Variants in DTNA observed in about 807,000 individuals in gnomAD.
DTNA encodes dystrobrevin alpha, also known as dystrophin-related protein 3.
Under a neutral mutation model 100.7 loss-of-function variants are expected in DTNA, and 43 were observed. That is an observed-to-expected ratio of 0.43 (90% CI 0.33 to 0.55). The LOEUF is 0.55. DTNA is among the 20% of genes least tolerant of loss of function. The pLI is 0.04. For synonymous variants in DTNA, 349 were observed against 347.9 expected, an observed-to-expected ratio of 1.00 and a Z score of -0.04; for missense variants, 798 against 953.9, an observed-to-expected ratio of 0.84 and a Z score of 2.15.
At chr18:34,596,935 G>A (rs1256034752) in intron 1 of DTNA, among the ~76,000 whole-genome samples, 1 of 151,956 alleles carries the variant, frequency 6.6e-6, no homozygotes, top group Non-Finnish European at 1.5e-5. Flanking sequence ...CATGTGCCAT[G>A]GTGGTTTGCT....
At chr18:34,741,650 CAAG>C in intron 1 of DTNA, among the ~76,000 whole-genome samples, 5 of 152,228 alleles carry the variant, frequency 3.3e-5, no homozygotes, top group Admixed American at 3.3e-4. Context: ...TAGATATCTT[CAAG>C]AAGTACTGAG....
intron 1 of DTNA, among the ~76,000 whole-genome samples, chr18:34,671,231 TG>T (rs1447815898): frequency 2.6e-5 from 4 of 152,304 alleles, no homozygotes; most frequent in African/African-American, 9.6e-5. Flanking sequence ...CTCCGAGCCA[TG>T]CGCAGGATAT....
At chr18:34,855,126 A>C (rs2150006184) in intron 15 of DTNA, among the ~76,000 whole-genome samples, 1 of 152,336 alleles carries the variant, frequency 6.6e-6, no homozygotes, top group Middle Eastern at 3.4e-3. Flanking sequence ...AATTAAAGGT[A>C]AAAATACACA....
At chr18:34,818,066 G>A in intron 7 of DTNA, 98 bp from the exon 8 acceptor site, 1 of 1,605,406 alleles carries the variant, frequency 6.2e-7, no homozygotes, top group Non-Finnish European at 8.5e-7. Flanking sequence ...AAATCGTGGT[G>A]CAGAGAAGAA....
intron 1 of DTNA, among the ~76,000 whole-genome samples, chr18:34,676,881 C>A (rs1248252091): frequency 1.3e-5 from 2 of 152,092 alleles, no homozygotes; most frequent in African/African-American, 4.8e-5. Context: ...GTATTCCCAC[C>A]CAATGTTCAT....
At chr18:34,601,250 G>C (rs2051754528) in intron 1 of DTNA, among the ~76,000 whole-genome samples, 1 of 152,212 alleles carries the variant, frequency 6.6e-6, no homozygotes, top group Admixed American at 6.5e-5. Context: ...TTAATTATAA[G>C]CAAATTAAGG....
chr18:34,838,715 C>T, intron 12 of DTNA, 30 bp from the exon 13 acceptor site: 5 of 1,590,094 alleles, frequency 3.1e-6, no homozygotes, highest in Non-Finnish European at 4.3e-6. Flanking sequence ...CTCTTAACAA[C>T]ACGCTTTCTT....
chr18:34,746,213 T>G (rs983090731), intron 1 of DTNA, among the ~76,000 whole-genome samples: 8 of 151,084 alleles, frequency 5.3e-5, no homozygotes, highest in Non-Finnish European at 1.0e-4. Context: ...TTATTTGGGG[T>G]TTTTTTTCAT....
At chr18:34,719,572 A>G (rs2146889293) in intron 1 of DTNA, among the ~76,000 whole-genome samples, 1 of 152,270 alleles carries the variant, frequency 6.6e-6, no homozygotes, top group African/African-American at 2.4e-5. Flanking sequence ...ATTTTATAAT[A>G]TGTACAGAGA....
chr18:34,776,045 T>C lies in DTNA; in HGVS notation c.148+10004T>C, dbSNP rs116833408. Among the ~76,000 whole-genome samples, 1,330 of 152,300 alleles carry C rather than the reference T, an allele frequency of 8.7e-3. 23 individuals carry two copies. The highest frequency in any genetic ancestry group is 0.029 in the African/African-American group (1,208 of 41,562). ...AAGAGCCACTGGGACATATACTTTG[T>C]ATAAAATTCAAAGCAGGACTGAGAC... On this transcript the variant is annotated intron_variant, in intron 3 of 22. Transcript: ENST00000444659.
intron 2 of DTNA, among the ~76,000 whole-genome samples, chr18:34,757,645 T>C (rs780209487): frequency 1.2e-4 from 19 of 152,186 alleles, no homozygotes; most frequent in Admixed American, 2.0e-4. Context: ...CAAATGTCTA[T>C]TGGATTAAAA....
At chr18:34,493,748 C>T (rs2038809214) in intron 1 of DTNA, among the ~76,000 whole-genome samples, 1 of 148,740 alleles carries the variant, frequency 6.7e-6, no homozygotes, top group Non-Finnish European at 1.5e-5. Flanking sequence ...GGCGGCTCGG[C>T]GCTGGAGCAA....
intron 3 of DTNA, among the ~76,000 whole-genome samples, chr18:34,769,905 C>CA (rs1219107242): frequency 6.6e-6 from 1 of 151,440 alleles, no homozygotes; most frequent in Non-Finnish European, 1.5e-5. Context: ...ATTTTTAGTA[C>CA]AGACAGGGTT....
At chr18:34,571,497 T>A (rs1168496827) in intron 1 of DTNA, among the ~76,000 whole-genome samples, 1 of 152,022 alleles carries the variant, frequency 6.6e-6, no homozygotes, top group Non-Finnish European at 1.5e-5. Context: ...TCCCATCACT[T>A]TGGGAGGCTG....
chr18:34,494,076 C>G (rs2038891414), intron 1 of DTNA: 1 of 151,584 alleles, frequency 6.6e-6, no homozygotes, highest in Non-Finnish European at 1.5e-5. Flanking sequence ...CTGCTGCTGC[C>G]GCGGCGCCGC....
chr18:34,542,628 A>G (rs2044355094), intron 1 of DTNA, among the ~76,000 whole-genome samples: 2 of 152,080 alleles, frequency 1.3e-5, no homozygotes, highest in African/African-American at 4.8e-5. Flanking sequence ...TACTGAAGAA[A>G]TGTCCAGAGA....
At chr18:34,825,080 A>G (rs941796772) in intron 9 of DTNA, among the ~76,000 whole-genome samples, 8 of 152,038 alleles carry the variant, frequency 5.3e-5, no homozygotes, top group African/African-American at 1.7e-4. Context: ...TTTTAACTAT[A>G]GCCAAGGGAC....
At chr18:34,612,248 C>A (rs1480103339) in intron 1 of DTNA, among the ~76,000 whole-genome samples, 1 of 152,198 alleles carries the variant, frequency 6.6e-6, no homozygotes, top group Non-Finnish European at 1.5e-5. Context: ...GAGCCTAGGA[C>A]CTCTGGGATC....
At chr18:34,523,126 A>G (rs2042299080) in intron 1 of DTNA, among the ~76,000 whole-genome samples, 1 of 152,212 alleles carries the variant, frequency 6.6e-6, no homozygotes, top group African/African-American at 2.4e-5. Flanking sequence ...GTCTTGCTCA[A>G]GCAGTGTTTT....
Sources: allele counts gnomAD v4.1 joint callset (sites outside exome capture counted in the v4.1 genomes callset), GRCh38; gene constraint gnomAD v4.1.1; transcripts MANE v1.5; gene names NCBI Gene and HGNC (gene_info 2026-07-23, HGNC 2026-07-21).